The following KIAA0232 variants were observed in gnomAD, a reference collection of about 807,000 sequenced individuals.
KIAA0232 encodes KIAA0232.
In KIAA0232, 27 loss-of-function variants were observed where a neutral mutation model predicts 122.0. That is an observed-to-expected ratio of 0.22 (90% confidence interval 0.16 to 0.31). KIAA0232 has a LOEUF of 0.31. Ranked by LOEUF, KIAA0232 falls within the 10% of genes least tolerant of loss-of-function variation. The pLI is 1.00. For missense variants in KIAA0232, 1,551 were observed against 1,634.2 expected (o/e 0.95, Z 0.88); for synonymous variants, 613 against 587.6 (o/e 1.04, Z -0.63).
At chr4:6,795,207 A>G (rs1717076019) in intron 1 of KIAA0232, among the ~76,000 whole-genome samples, 1 of 152,130 alleles carries the variant, frequency 6.6e-6, no homozygotes, top group Non-Finnish European at 1.5e-5. Flanking sequence ...AGCAGCTAGG[A>G]CTACAGGCAC....
At chr4:6,817,734 G>C (rs1253456173) in intron 2 of KIAA0232, among the ~76,000 whole-genome samples, 1 of 152,024 alleles carries the variant, frequency 6.6e-6, no homozygotes, top group African/African-American at 2.4e-5. Context: ...TGGTTTTTTT[G>C]TGTATTTCTT....
At chr4:6,804,087 G>A (rs1478691368) in intron 1 of KIAA0232, among the ~76,000 whole-genome samples, 5 of 152,182 alleles carry the variant, frequency 3.3e-5, no homozygotes, top group Non-Finnish European at 7.3e-5. Flanking sequence ...TATTTGGGGA[G>A]AGTTCCATAA....
chr4:6,802,201 C>T (rs143299535), intron 1 of KIAA0232, among the ~76,000 whole-genome samples: 1 of 152,184 alleles, frequency 6.6e-6, no homozygotes, highest in Non-Finnish European at 1.5e-5. Flanking sequence ...CTTGGCCAAC[C>T]CCATTAGAAT....
intron 7 of KIAA0232, 94 bp from the exon 8 acceptor site, chr4:6,871,480 C>G: frequency 1.4e-6 from 1 of 718,622 alleles, no homozygotes; most frequent in South Asian, 1.9e-5. Flanking sequence ...TTTAAAAGTT[C>G]TGGGTTTATA....
chr4:6,790,222 G>A lies in KIAA0232; in HGVS notation c.-354+7381G>A, dbSNP rs190287888. Among the ~76,000 whole-genome samples the A allele has an allele frequency of 9.3e-4, 142 of 152,186 alleles. 1 individual carries two copies. The highest frequency in any genetic ancestry group is 3.1e-3 in the Admixed American group (48 of 15,272). On this transcript the variant is annotated intron_variant, in intron 1 of 9. Coordinates refer to ENST00000307659, the MANE Select transcript of KIAA0232 (RefSeq NM_014743.3). ...TGACATCTTCCCTAAGTGCTTACCTGTTGCCAGGCTTTCTCCATATCTGTC... is the reference window on the plus strand; with the variant it reads ...TGACATCTTCCCTAAGTGCTTACCTATTGCCAGGCTTTCTCCATATCTGTC...
At chr4:6,838,576 C>A (rs893845371) in intron 3 of KIAA0232, among the ~76,000 whole-genome samples, 9 of 152,026 alleles carry the variant, frequency 5.9e-5, no homozygotes, top group African/African-American at 2.2e-4. Flanking sequence ...TATTATTATT[C>A]TTAAAACTGT....
Position 6,861,984 on chromosome 4 carries a change from G to C in KIAA0232, c.1602G>C (p.Leu534Phe). ...CAATGCAAGGAGAAAGTCGGATTTT[G>C]AATATGATTCGACAGAAAAGCAAAG... ...SETMQGESRI[L>F]NMIRQKSKEN... is the part of the protein sequence containing the mutation. The change falls in exon 7 of 10, where the codon TTG (leucine) becomes TTC (phenylalanine). Residue 534 changes from leucine to phenylalanine, a missense_variant. Leu to Phe is a conservative substitution (Grantham distance 22). This residue lies in a region of KIAA0232 where 1,108 missense variants were observed against 1,154.8 expected (regional missense o/e 0.96). Coordinates refer to ENST00000307659, the MANE Select transcript of KIAA0232 (RefSeq NM_014743.3). 1.2e-6 allele frequency: 2 copies of C among 1,614,128 alleles called. No individual in the cohort carries two copies. The highest frequency in any genetic ancestry group is 1.7e-6 in the Non-Finnish European group (2 of 1,180,020).
chr4:6,785,773 C>A (rs1462641365), intron 1 of KIAA0232, among the ~76,000 whole-genome samples: 1 of 152,146 alleles, frequency 6.6e-6, no homozygotes, highest in East Asian at 1.9e-4. Context: ...CAATGCAGGC[C>A]CCTTGCAGTC....
rs1363151712 is a variant in KIAA0232, at chr4:6,863,546, A to C, written c.3164A>C (p.Glu1055Ala). 6.2e-7 allele frequency: 1 copy of C among 1,614,170 alleles called. No homozygotes were observed. Among genetic ancestry groups the C allele is most frequent in the Non-Finnish European group, 8.5e-7 (1 of 1,180,042 alleles). Residue 1055 changes from glutamate (E) to alanine (A), a missense_variant, in exon 7 of 10, where the codon GAA becomes GCA. Physicochemically the swap from Glu to Ala is moderately radical, Grantham distance 107. Around this residue, in one of 5 missense-constraint regions of KIAA0232, gnomAD observed 1,108 missense variants for 1,154.8 expected, o/e 0.96. Transcript: ENST00000307659. ...SNPFSQVLHV[E>A]CSFEPEGIAS... is the part of the protein sequence containing the mutation. ...CCATTTTCACAAGTTCTTCATGTAG[A>C]ATGCTCATTTGAACCTGAAGGGATT...
intron 2 of KIAA0232, among the ~76,000 whole-genome samples, chr4:6,811,069 G>T (rs1361476701): frequency 6.6e-6 from 1 of 152,182 alleles, no homozygotes; most frequent in African/African-American, 2.4e-5. Context: ...AAAATAGAAT[G>T]AGCATTCAAT....
intron 2 of KIAA0232, among the ~76,000 whole-genome samples, chr4:6,819,512 A>G (rs1042343783): frequency 1.3e-5 from 2 of 152,220 alleles, no homozygotes; most frequent in Admixed American, 6.5e-5. Flanking sequence ...AAAGTTCCAC[A>G]TCGCTGATTA....
intron 2 of KIAA0232, among the ~76,000 whole-genome samples, chr4:6,813,247 C>A (rs1488303379): frequency 1.3e-5 from 2 of 151,738 alleles, no homozygotes; most frequent in Non-Finnish European, 2.9e-5. Flanking sequence ...CTCACTGCTC[C>A]AAAAAACCCT....
At chr4:6,829,671 T>C (rs1407829708) in intron 3 of KIAA0232, among the ~76,000 whole-genome samples, 1 of 152,254 alleles carries the variant, frequency 6.6e-6, no homozygotes, top group African/African-American at 2.4e-5. Flanking sequence ...ACTGGTGACC[T>C]GGAACATTAA....
At chr4:6,822,905 T>A in intron 2 of KIAA0232, among the ~76,000 whole-genome samples, 2 of 146,326 alleles carry the variant, frequency 1.4e-5, no homozygotes, top group African/African-American at 2.5e-5. Context: ...ATTAGGTATA[T>A]CTCCCAATGC....
intron 3 of KIAA0232, among the ~76,000 whole-genome samples, chr4:6,825,863 A>T (rs1179419533): frequency 6.6e-6 from 1 of 152,208 alleles, no homozygotes; most frequent in African/African-American, 2.4e-5. Context: ...GAAGGGTTTC[A>T]TTGTCAGGAG....
At chr4:6,797,549 C>T (rs1414748910) in intron 1 of KIAA0232, among the ~76,000 whole-genome samples, 9 of 151,562 alleles carry the variant, frequency 5.9e-5, no homozygotes, top group African/African-American at 1.2e-4. Context: ...GCAGGAGGAT[C>T]GCTTGAGCCC....
chr4:6,853,190 G>A (rs193183695), intron 4 of KIAA0232, among the ~76,000 whole-genome samples: 131 of 152,260 alleles, frequency 8.6e-4, no homozygotes, highest in African/African-American at 2.9e-3. Context: ...ATTTCTTAAC[G>A]AGGAAGAGGT....
At chr4:6,856,381 AT>A (rs1007111286) in intron 4 of KIAA0232, among the ~76,000 whole-genome samples, 7 of 151,782 alleles carry the variant, frequency 4.6e-5, no homozygotes, top group South Asian at 4.2e-4. Flanking sequence ...CTGTAAAAAA[AT>A]TTTTTTTTCT....
rs930845653 is a variant in KIAA0232 at position 6,866,147 on chromosome 4, T to A, written c.3801+1964T>A. On this transcript the variant is annotated intron_variant, in intron 7 of 9. Coordinates refer to ENST00000307659, the MANE Select transcript of KIAA0232 (RefSeq NM_014743.3). ...TGTTTGTTTATTGCCCCATTTTTCA[T>A]CCTTAAATATTCCTTTATGTACTTT... 7.6e-6 allele frequency: 6 copies of A among 787,064 alleles called. No individual in the cohort carries two copies. The African/African-American group carries it at 1.1e-4, about 15-fold the overall frequency. 48.8% of individuals were successfully genotyped at this position (787,064 alleles called of 1,614,324 possible). A position where few individuals can be genotyped will look rare whatever the true frequency, so the allele number is the denominator to read the frequency against.
Sources: gnomAD v4.1 joint callset for allele counts (sites outside exome capture counted in the v4.1 genomes callset) on GRCh38, gnomAD v4.1.1 for gene constraint, gnomAD v4.1.1 regional missense constraint, MANE v1.5 for transcripts, NCBI Gene and HGNC (gene_info 2026-07-23, HGNC 2026-07-21) for gene names.